The following GGTA1 variants were observed in gnomAD, a reference collection of about 807,000 sequenced individuals.
GGTA1 encodes inactive N-acetyllactosaminide alpha-1,3-galactosyltransferase.
A neutral mutation model predicts 2.6 loss-of-function variants in GGTA1; 5 were observed. The observed-to-expected ratio is 1.92, with a 90% confidence interval of 1.00 to 4.04. GGTA1 has a LOEUF of 4.04. Among genes scored for constraint, GGTA1 ranks in the 30% most tolerant of loss-of-function variants. The pLI is 0.00. For missense variants in GGTA1, 50 were observed against 16.7 expected, an observed-to-expected ratio of 2.99 and a Z score of -3.47; for synonymous variants, 17 against 5.0, an observed-to-expected ratio of 3.38 and a Z score of -3.19.
intron 4 of GGTA1, 95 bp from the exon 5 acceptor site, chr9:121,460,314 C>A: frequency 2.3e-6 from 1 of 438,140 alleles, no homozygotes; most frequent in Non-Finnish European, 4.6e-6. Flanking sequence ...TGTTCCAAGG[C>A]AGATTATGCA....
intron 5 of GGTA1, among the ~76,000 whole-genome samples, chr9:121,458,735 A>T (rs1324695024): frequency 6.6e-6 from 1 of 152,160 alleles, no homozygotes; most frequent in Non-Finnish European, 1.5e-5. Flanking sequence ...ATGCAAGGGG[A>T]AGAGTGAAGA....
chr9:121,498,647 C>T (rs1184475048), intron 1 of GGTA1, among the ~76,000 whole-genome samples: 1 of 152,172 alleles, frequency 6.6e-6, no homozygotes. Context: ...TCCTCAGACA[C>T]GCCTGTTTCC....
At chr9:121,484,691 G>A (rs1470055650) in intron 1 of GGTA1, among the ~76,000 whole-genome samples, 1 of 152,168 alleles carries the variant, frequency 6.6e-6, no homozygotes, top group Non-Finnish European at 1.5e-5. Context: ...ATAATTCATT[G>A]TTGCTATTAT....
rs182749895 is a variant in GGTA1, at chr9:121,469,778, A to G, written c.-9-1847T>C. Among the ~76,000 whole-genome samples the G allele has an allele frequency of 1.3e-3, 200 of 152,298 alleles. 1 individual carries two copies. The highest frequency in any genetic ancestry group is 4.5e-3 in the African/African-American group (188 of 41,578). On this transcript the variant is annotated intron_variant, in intron 1 of 5. Transcript: ENST00000481799. ...ATGCCTTTGATATACAAATGAACCA[A>G]TCCTGAGCTGTAGATCTTCACCTGC...
intron 1 of GGTA1, among the ~76,000 whole-genome samples, chr9:121,481,283 C>T (rs1404394780): frequency 2.0e-5 from 3 of 152,026 alleles, no homozygotes; most frequent in Non-Finnish European, 4.4e-5. Flanking sequence ...TGAGAATGAG[C>T]GAGCTACAGC....
intron 1 of GGTA1, among the ~76,000 whole-genome samples, chr9:121,468,905 G>A (rs371614822): frequency 6.6e-5 from 10 of 152,182 alleles, no homozygotes; most frequent in Non-Finnish European, 1.5e-4. Flanking sequence ...CTTTTATCTC[G>A]TGACTGTGAG....
intron 3 of GGTA1, 179 bp downstream of exon 3, chr9:121,463,114 T>C (rs2064974104): frequency 2.5e-6 from 1 of 392,846 alleles, no homozygotes; most frequent in South Asian, 1.9e-5. Context: ...CATGGTTCTA[T>C]ACAGATAAGT....
exon 8 of GGTA1, chr9:121,447,428 A>G (rs1286340634): frequency 1.3e-5 from 2 of 152,462 alleles, no homozygotes; most frequent in Non-Finnish European, 2.9e-5. Flanking sequence ...ATGTCTTGCC[A>G]CCTCTTCTCT....
At chr9:121,468,072 C>T (rs922581164) in intron 1 of GGTA1, 141 bp from the exon 2 acceptor site, 41 of 374,652 alleles carry the variant, frequency 1.1e-4, no homozygotes, top group Admixed American at 1.1e-3. Context: ...ATGTGCAGAA[C>T]GTGCAGGTTT....
intron 2 of GGTA1, among the ~76,000 whole-genome samples, chr9:121,466,004 C>T (rs545355717): frequency 7.2e-5 from 11 of 152,292 alleles, no homozygotes; most frequent in African/African-American, 2.6e-4. Flanking sequence ...CAGCCTCAAC[C>T]TCTCAGGCTC....
chr9:121,448,579 C>A (rs904458459), intron 7 of GGTA1, among the ~76,000 whole-genome samples: 2 of 152,022 alleles, frequency 1.3e-5, no homozygotes, highest in Non-Finnish European at 2.9e-5. Context: ...AAGCCACATT[C>A]GGTGGCTGAG....
intron 2 of GGTA1, among the ~76,000 whole-genome samples, 158 bp downstream of exon 2, chr9:121,467,685 G>C (rs190771728): frequency 6.6e-6 from 1 of 152,310 alleles, no homozygotes; most frequent in African/African-American, 2.4e-5. Flanking sequence ...TGATTTTAAA[G>C]ACAGTCCAGG....
At chr9:121,463,352 ACATAT>A in intron 2 of GGTA1, 24 bp from the exon 3 acceptor site, 1 of 453,384 alleles carries the variant, frequency 2.2e-6, no homozygotes. Flanking sequence ...AGAAATAAAA[ACATAT>A]CATGTTACTT....
chr9:121,458,019 C>T (rs1348199593), intron 5 of GGTA1, among the ~76,000 whole-genome samples: 1 of 150,368 alleles, frequency 6.7e-6, no homozygotes, highest in Non-Finnish European at 1.5e-5. Context: ...AAGCAATTCT[C>T]ATACCTCAGC....
At chr9:121,456,190 C>T (rs1447920699) in intron 5 of GGTA1, among the ~76,000 whole-genome samples, 1 of 152,116 alleles carries the variant, frequency 6.6e-6, no homozygotes, top group East Asian at 1.9e-4. Context: ...AGATGGGGCA[C>T]TAAAAAGAAA....
At chr9:121,450,024 T>C (rs1038494468) in intron 7 of GGTA1, among the ~76,000 whole-genome samples, 1 of 152,210 alleles carries the variant, frequency 6.6e-6, no homozygotes, top group Non-Finnish European at 1.5e-5. Context: ...CTGAATTTAA[T>C]GTGCTGATCA....
At chr9:121,491,611 T>C (rs1369952433) in intron 1 of GGTA1, among the ~76,000 whole-genome samples, 1 of 151,422 alleles carries the variant, frequency 6.6e-6, no homozygotes, top group Non-Finnish European at 1.5e-5. Context: ...TTTTTTTTTT[T>C]CTTGTTTTCT....
At chr9:121,456,455 G>A (rs2064912185) in intron 5 of GGTA1, among the ~76,000 whole-genome samples, 1 of 151,746 alleles carries the variant, frequency 6.6e-6, no homozygotes, top group Non-Finnish European at 1.5e-5. Flanking sequence ...TTTGGCTCTT[G>A]TTGCCCAGCT....
intron 4 of GGTA1, 137 bp from the exon 5 acceptor site, chr9:121,460,356 T>G (rs2064950306): frequency 5.3e-6 from 2 of 379,610 alleles, no homozygotes; most frequent in South Asian, 4.0e-5. Context: ...AAAAAGGCTC[T>G]AGGCACTAAG....
Sources: allele counts gnomAD v4.1 joint callset (sites outside exome capture counted in the v4.1 genomes callset), GRCh38; gene constraint gnomAD v4.1.1; transcripts MANE v1.5; gene names NCBI Gene and HGNC (gene_info 2026-07-23, HGNC 2026-07-21).